Variants in SLC4A9 observed in about 807,000 individuals in gnomAD.
SLC4A9 encodes anion exchange protein 4.
In SLC4A9, 102 loss-of-function variants were observed where a neutral mutation model predicts 103.2. The ratio of observed to expected loss-of-function variants is 0.99; its 90% CI spans 0.84 to 1.17. SLC4A9 has a LOEUF of 1.17. Among genes scored for constraint, SLC4A9 ranks in the 50% most tolerant of loss-of-function variants. The pLI is 0.00. For synonymous variants in SLC4A9, 453 were observed against 483.6 expected, an observed-to-expected ratio of 0.94 and a Z score of 0.83; for missense variants, 1,091 against 1,193.7, an observed-to-expected ratio of 0.91 and a Z score of 1.27.
At position 140,363,761 on chromosome 5, in the gene SLC4A9, G is replaced by C. The variant is rs199543341; in HGVS notation, c.1113G>C (p.Arg371Ser). The C allele has an allele frequency of 1.5e-5, 25 of 1,613,954 alleles. No homozygotes were observed. In the Admixed American group the frequency reaches 4.0e-4, roughly 26 times the overall value. The change falls in exon 9 of 22, where the codon AGG (arginine) becomes AGC (serine). Residue 371 changes from arginine to serine, a missense_variant. Arg to Ser is a moderately radical substitution (Grantham distance 110). Coordinates refer to ENST00000506757, the MANE Select transcript of SLC4A9 (RefSeq NM_031467.3). This position sits in a 1 kb window ranked among gnomAD's most constrained non-coding sequence, Gnocchi z 4.5. ...LFGGLIQDVRRKVPWYPSDFL... is the reference protein window; with the variant it reads ...LFGGLIQDVRSKVPWYPSDFL... ...GGGGCCTTATCCAGGACGTGCGCAG[G>C]AAGGTCCCGTGGTACCCCAGCGATT... is the stretch of plus-strand genomic sequence containing the variant.
Position 140,363,202 on chromosome 5 carries a change from C to T in SLC4A9, c.962+136C>T. ...GATTTGGAGTCAGGCAGACCTAACT[C>T]TGAGTTCTGCTGGACTACTCTCTCG... On this transcript the variant is annotated intron_variant, in intron 7 of 21. Transcript: ENST00000506757. The surrounding 1 kb of genome is among the most constrained non-coding windows in gnomAD (Gnocchi z 4.5). The T allele has an allele frequency of 8.4e-7, 1 of 1,185,658 alleles. No homozygotes were observed. The highest frequency in any genetic ancestry group is 1.2e-6 in the Non-Finnish European group (1 of 842,986). 73.4% of individuals were successfully genotyped at this position (1,185,658 alleles called of 1,614,324 possible).
intron 21 of SLC4A9, among the ~76,000 whole-genome samples, chr5:140,373,352 A>C (rs1769013308): frequency 6.6e-6 from 1 of 152,212 alleles, no homozygotes; most frequent in African/African-American, 2.4e-5. Context: ...CTAGAGATAC[A>C]GTAGTGAGTA....
At chr5:140,364,278 G>A in intron 10 of SLC4A9, 85 bp from the exon 11 acceptor site, 1 of 1,592,030 alleles carries the variant, frequency 6.3e-7, no homozygotes, top group Non-Finnish European at 8.6e-7. Flanking sequence ...GGAGCTATCT[G>A]TTTGGGTTGA....
chr5:140,368,202 G>C (rs1211080367), intron 16 of SLC4A9, among the ~76,000 whole-genome samples: 2 of 152,158 alleles, frequency 1.3e-5, no homozygotes, highest in East Asian at 3.8e-4. Flanking sequence ...AAGTTACAAA[G>C]GAATCCATCA....
chr5:140,374,179 A>T (rs2126806551), intron 21 of SLC4A9, among the ~76,000 whole-genome samples: 1 of 150,722 alleles, frequency 6.6e-6, no homozygotes. Flanking sequence ...ACGGAGCGAG[A>T]CTCCGTCTCA....
chr5:140,361,981 C>T lies in SLC4A9; in HGVS notation c.562-36C>T, dbSNP rs1272917990. On this transcript the variant is annotated intron_variant, in intron 4 of 21. Transcript: ENST00000506757. ...TGAGATCTTATCCTCCCCAAATAAC[C>T]TTTCATATTCTGTGTCTCCTTGAAC... 4.3e-6 allele frequency: 7 copies of T among 1,613,680 alleles called. No individual in the cohort carries two copies. The South Asian group carries it at 6.6e-5, about 15-fold the overall frequency.
chr5:140,371,622 A>C lies in SLC4A9; in HGVS notation c.2668A>C (p.Met890Leu). ...STPAAIIFPL[M>L]LLGLVGVRKA... ...CCCTGCAGCCATCATCTTCCCCCTC[A>C]TGGTAAGCTGAGGCAGGGTTGGGCT... Residue 890 changes from methionine to leucine, a missense_variant and splice_region_variant, in exon 19 of 22, where the codon ATG becomes CTG. Transcript: ENST00000506757. 6.2e-7 allele frequency: 1 copy of C among 1,613,924 alleles called. No homozygotes were observed. Among genetic ancestry groups the C allele is most frequent in the Non-Finnish European group, 8.5e-7 (1 of 1,179,862 alleles).
At chr5:140,367,118 G>A (rs369467326) in intron 14 of SLC4A9, among the ~76,000 whole-genome samples, 1 of 152,160 alleles carries the variant, frequency 6.6e-6, no homozygotes, top group East Asian at 1.9e-4. Context: ...TAGGGAGCAG[G>A]GCTCTGTACA....
intron 12 of SLC4A9, 79 bp downstream of exon 12, chr5:140,365,657 C>G: frequency 6.6e-7 from 1 of 1,514,050 alleles, no homozygotes; most frequent in Non-Finnish European, 9.1e-7. Flanking sequence ...CTCTTCCTAC[C>G]CATAGGTTAA....
In SLC4A9 at chr5:140,362,177, G is replaced by A. The variant is rs765499150; in HGVS notation, c.719+3G>A. On this transcript the variant is annotated splice_donor_region_variant and intron_variant, in intron 5 of 21. Coordinates refer to ENST00000506757, the MANE Select transcript of SLC4A9 (RefSeq NM_031467.3). ...ACTGAGGTGTCCCTCCCAAGCAGGT[G>A]AGGCTACTGAGTGAGTGGGAGTCAG... The A allele has an allele frequency of 9.2e-6, 14 of 1,523,168 alleles. No individual in the cohort carries two copies. The highest frequency in any genetic ancestry group is 1.2e-5 in the Non-Finnish European group (14 of 1,141,548). The allele number at this position is 1,523,168 out of a possible 1,614,324, so 94.4% of individuals were successfully genotyped here. A position where few individuals can be genotyped will look rare whatever the true frequency, so the allele number is the denominator to read the frequency against.
chr5:140,367,628 G>A (rs551422744), intron 15 of SLC4A9, 47 bp downstream of exon 15: 3 of 1,600,314 alleles, frequency 1.9e-6, no homozygotes, highest in Admixed American at 1.7e-5. Flanking sequence ...AGAAGCTCCA[G>A]GGGAGTCTAC....
At position 140,363,446 on chromosome 5, in the gene SLC4A9, T is replaced by A. The variant is rs1429765293; in HGVS notation, c.970T>A (p.Ser324Thr). ...GGTTCCCCTCCTCCTCAGGCTTCCC[T>A]CGCAACAGCGGGAGATCAGAGGTCC... ...CLPSQHKRLP[S>T]QQREIRGPAV... The change falls in exon 8 of 22, where the codon TCG becomes ACG. Residue 324 changes from serine to threonine, a missense_variant. By Grantham distance (58) the Ser-to-Thr change is moderately conservative. Transcript: ENST00000506757. This position sits in a 1 kb window ranked among gnomAD's most constrained non-coding sequence, Gnocchi z 4.5. 6.4e-7 allele frequency: 1 copy of A among 1,551,068 alleles called. No individual in the cohort carries two copies. Among genetic ancestry groups the A allele is most frequent in the Non-Finnish European group, 8.7e-7 (1 of 1,146,966 alleles).
intron 17 of SLC4A9, among the ~76,000 whole-genome samples, chr5:140,370,394 G>T (rs748317644): frequency 3.4e-4 from 52 of 151,154 alleles, no homozygotes; most frequent in Non-Finnish European, 7.4e-4. Flanking sequence ...AGCCTGGGGG[G>T]ATGGAGGTTG....
chr5:140,363,162 A>G lies in SLC4A9; in HGVS notation c.962+96A>G, dbSNP rs1767358568. On this transcript the variant is annotated intron_variant, in intron 7 of 21. Transcript: ENST00000506757. This position sits in a 1 kb window ranked among gnomAD's most constrained non-coding sequence, Gnocchi z 4.5. ...AGGGGTGGTGTCCCAGGAAAGAGAT[A>G]GGGACCTATCTTTGGATTTGGAGTC... 1.4e-6 allele frequency: 2 copies of G among 1,474,314 alleles called. No individual in the cohort carries two copies. The highest frequency in any genetic ancestry group is 1.8e-6 in the Non-Finnish European group (2 of 1,093,692). The allele number at this position is 1,474,314 out of a possible 1,614,324, so 91.3% of individuals were successfully genotyped here. A position where few individuals can be genotyped will look rare whatever the true frequency, so the allele number is the denominator to read the frequency against.
intron 11 of SLC4A9, 113 bp downstream of exon 11, chr5:140,364,738 C>G: frequency 7.8e-7 from 1 of 1,282,022 alleles, no homozygotes; most frequent in South Asian, 1.5e-5. Flanking sequence ...GCATACTTAC[C>G]CAATAACTGG....
intron 21 of SLC4A9, among the ~76,000 whole-genome samples, chr5:140,374,063 T>C (rs1769127032): frequency 6.7e-6 from 1 of 150,206 alleles, no homozygotes; most frequent in Non-Finnish European, 1.5e-5. Flanking sequence ...GGTGTGGTGG[T>C]GCATGCCTGT....
intron 21 of SLC4A9, among the ~76,000 whole-genome samples, chr5:140,373,482 G>A (rs1190342019): frequency 6.6e-6 from 1 of 152,152 alleles, no homozygotes; most frequent in East Asian, 1.9e-4. Flanking sequence ...CATGGGAGCA[G>A]GGCTTCTGAC....
At position 140,365,410 on chromosome 5, in the gene SLC4A9, TCACAATTAA is replaced by T. The variant is rs763221581; in HGVS notation, c.1652-109_1652-101del. 1,143 of 867,106 alleles carry T rather than the reference TCACAATTAA, an allele frequency of 1.3e-3. 3 individuals are homozygous for T. The highest frequency in any genetic ancestry group is 3.8e-3 in the Admixed American group (161 of 42,474). The allele number at this position is 867,106 out of a possible 1,614,324, so 53.7% of individuals were successfully genotyped here. On this transcript the variant is annotated intron_variant, in intron 11 of 21. Transcript: ENST00000506757. ...GTGATAGAGTCAGCAGACAGATGAG[TCACAATTAA>T]GAACTCTGGTTCACCTGGACCCATC...
At position 140,367,780 on chromosome 5, in the gene SLC4A9, G is replaced by A. The variant is rs747668553; in HGVS notation, c.2236G>A (p.Ala746Thr). 4 of 1,614,022 alleles carry A rather than the reference G, an allele frequency of 2.5e-6. No homozygotes were observed. The South Asian group carries it at 4.4e-5, about 18-fold the overall frequency. ...GGCTGTGCTGATGCTACTCACATCAGCGCTTGGACTGCCTTGGTATGTCTC... is the reference window on the plus strand; with the variant it reads ...GGCTGTGCTGATGCTACTCACATCAACGCTTGGACTGCCTTGGTATGTCTC... ...CVAVLMLLTS[A>T]LGLPWYVSAT... Residue 746 changes from alanine (A) to threonine (T), a missense_variant, in exon 16 of 22, where the codon GCG becomes ACG. Transcript: ENST00000506757.
Sources: gnomAD v4.1 joint callset for allele counts (sites outside exome capture counted in the v4.1 genomes callset) on GRCh38, gnomAD v4.1.1 for gene constraint, Gnocchi (gnomAD v3.1) non-coding constraint, MANE v1.5 for transcripts, NCBI Gene and HGNC (gene_info 2026-07-23, HGNC 2026-07-21) for gene names.